The following TRRAP variants were observed in gnomAD, a reference collection of about 807,000 sequenced individuals.
TRRAP encodes transformation/transcription domain-associated protein.
A neutral mutation model predicts 438.8 loss-of-function variants in TRRAP; 41 were observed. The observed-to-expected ratio is 0.09, with a 90% CI of 0.07 to 0.12. The LOEUF (loss-of-function observed/expected upper bound fraction) is 0.12. TRRAP is among the 10% of genes least tolerant of loss of function. TRRAP has a pLI of 1.00. For synonymous variants in TRRAP, 1,994 were observed against 1,962.9 expected (o/e 1.02, Z -0.42); for missense variants, 3,122 against 5,055.1 (o/e 0.62, Z 11.60).
chr7:98,987,837 A>AG (rs1793219444), intron 62 of TRRAP, among the ~76,000 whole-genome samples: 1 of 152,198 alleles, frequency 6.6e-6, no homozygotes, highest in African/African-American at 2.4e-5. Context: ...TATAAGCTTG[A>AG]GGAACTTCCC....
At chr7:98,928,681 G>T (rs553488990) in intron 23 of TRRAP, among the ~76,000 whole-genome samples, 3 of 152,170 alleles carry the variant, frequency 2.0e-5, no homozygotes, top group East Asian at 3.9e-4. Flanking sequence ...CATAACCCAT[G>T]GTCATTCCCA....
At chr7:98,889,102 C>T (rs1259324187) in intron 3 of TRRAP, among the ~76,000 whole-genome samples, 1 of 143,206 alleles carries the variant, frequency 7.0e-6, no homozygotes, top group Non-Finnish European at 1.5e-5. Flanking sequence ...AGGCTGGCCT[C>T]GAATTCCTGG....
At position 98,984,322 on chromosome 7, in the gene TRRAP, G is replaced by C; in HGVS notation, c.9252G>C (p.Gln3084His). The stretch of plus-strand genomic sequence containing the variant: ...GACAGCAAGTTAAATGCTACCTCCA[G>C]CTGGCAGGCGTCATGGGCAAAAACG... ...KIRQQVKCYL[Q>H]LAGVMGKNEC... Residue 3084 changes from glutamine to histidine, a missense_variant, in exon 61 of 73, where the codon CAG (glutamine) becomes CAC (histidine). By Grantham distance (24) the Gln-to-His change is conservative. Around this residue, in one of 24 missense-constraint regions of TRRAP, gnomAD observed 129 missense variants for 279.2 expected, o/e 0.46. Coordinates refer to ENST00000456197, the MANE Select transcript of TRRAP (RefSeq NM_001375524.1). The C allele has an allele frequency of 6.3e-7, 1 of 1,599,074 alleles. No homozygotes were observed. The highest frequency in any genetic ancestry group is 8.5e-7 in the Non-Finnish European group (1 of 1,171,298).
rs762474727 is a variant in TRRAP, at chr7:99,011,208, G to T, written c.11095G>T (p.Val3699Phe). Residue 3699 changes from valine to phenylalanine, a missense_variant, in exon 71 of 73, where the codon GTC becomes TTC. Physicochemically the swap from Val to Phe is conservative, Grantham distance 50. Transcript: ENST00000456197. This position sits in a 1 kb window ranked among gnomAD's most constrained non-coding sequence, Gnocchi z 7.1. ...QLALIGFAEF[V>F]LHLNRLNPEM... ...GGCTCTGATAGGCTTCGCGGAATTC[G>T]TCCTGCATTTAAATAGACTCAACCC... is the stretch of plus-strand genomic sequence containing the variant. The T allele has an allele frequency of 1.5e-5, 24 of 1,614,102 alleles. No individual in the cohort carries two copies. Among genetic ancestry groups the T allele is most frequent in the Non-Finnish European group, 2.0e-5 (24 of 1,180,024 alleles).
At chr7:98,957,876 G>C (rs1554420215) in intron 43 of TRRAP, 105 bp from the exon 44 acceptor site, 2 of 946,986 alleles carry the variant, frequency 2.1e-6, no homozygotes, top group South Asian at 2.8e-5. Flanking sequence ...AGCTGCCTCT[G>C]TCCCCGGGAG....
At chr7:99,006,867 T>C (rs1210745010) in intron 69 of TRRAP, among the ~76,000 whole-genome samples, 1 of 152,242 alleles carries the variant, frequency 6.6e-6, no homozygotes, top group East Asian at 1.9e-4. Context: ...TAGGTACTAT[T>C]ATCCCACTTT....
Position 99,011,774 on chromosome 7 carries a change from C to G in TRRAP, c.11337+239C>G, listed in dbSNP as rs932479481. Among the ~76,000 whole-genome samples, 1 of 152,270 alleles carries G rather than the reference C, an allele frequency of 6.6e-6. No homozygotes were observed. Among genetic ancestry groups the G allele is most frequent in the Admixed American group, 6.5e-5 (1 of 15,288 alleles). ...ACACTCGGCAGATGCCGGAAGGTGT[C>G]AAGTGAACAAATAAACAGATTGGGC... is the stretch of plus-strand genomic sequence containing the variant. On this transcript the variant is annotated intron_variant, in intron 72 of 72. Transcript: ENST00000456197. The surrounding 1 kb of genome is among the most constrained non-coding windows in gnomAD (Gnocchi z 7.1).
chr7:98,984,936 T>TTGA lies in TRRAP; in HGVS notation c.9289-7_9289-5dup. ...AGAACTTTTTTTCTGCTCATTTTTT[T>TTGA]TGAACAGGGCCTTGAAGTTATTGAA... On this transcript the variant is annotated splice_region_variant and splice_polypyrimidine_tract_variant and intron_variant, in intron 61 of 72. Transcript: ENST00000456197. The TTGA allele has an allele frequency of 1.3e-6, 2 of 1,582,718 alleles. No homozygotes were observed. Among genetic ancestry groups the TTGA allele is most frequent in the Non-Finnish European group, 1.7e-6 (2 of 1,166,064 alleles).
At position 98,957,989 on chromosome 7, in the gene TRRAP, G is replaced by C; in HGVS notation, c.6240G>C (p.Gly2080=). The C allele has an allele frequency of 2.5e-6, 4 of 1,613,994 alleles. No individual in the cohort carries two copies. Among genetic ancestry groups the C allele is most frequent in the Non-Finnish European group, 3.4e-6 (4 of 1,179,950 alleles). Residue 2080 remains glycine (G), a synonymous_variant, in exon 44 of 73, where the codon GGG becomes GGC. Transcript: ENST00000456197. The stretch of plus-strand genomic sequence containing the variant: ...AGGAGGTCCTTTTCCAGGTCTTTGG[G>C]AGGAGCCAGTCGCTACCTGGAGCAG... The part of the protein sequence containing the change: ...TATGAISAVF[G]RSQSLPGADS...
At chr7:98,931,049 C>G (rs946137991) in intron 25 of TRRAP, among the ~76,000 whole-genome samples, 4 of 152,224 alleles carry the variant, frequency 2.6e-5, no homozygotes, top group Non-Finnish European at 5.9e-5. Flanking sequence ...AGAACAGTTA[C>G]AGGCCACAGT....
chr7:98,886,467 GAGAT>G (rs1165357302), intron 3 of TRRAP, among the ~76,000 whole-genome samples: 3 of 151,886 alleles, frequency 2.0e-5, no homozygotes, highest in Admixed American at 6.6e-5. Flanking sequence ...GATATCTAGA[GAGAT>G]AGAGATAGAT....
chr7:98,892,569 A>G, intron 5 of TRRAP, 41 bp downstream of exon 5: 1 of 1,460,396 alleles, frequency 6.8e-7, no homozygotes, highest in Non-Finnish European at 9.4e-7. Context: ...AGCCGTATGT[A>G]AAACTTTCAC....
chr7:98,935,530 T>C, intron 27 of TRRAP, 49 bp from the exon 28 acceptor site: 2 of 1,533,020 alleles, frequency 1.3e-6, no homozygotes, highest in Non-Finnish European at 1.8e-6. Flanking sequence ...AAGGTTATTA[T>C]GTCTTCACAG....
intron 16 of TRRAP, 64 bp from the exon 17 acceptor site, chr7:98,911,013 A>G: frequency 6.9e-7 from 1 of 1,447,294 alleles, no homozygotes; most frequent in South Asian, 1.3e-5. Context: ...CTGGTTACAT[A>G]ATGGAACATA....
chr7:98,949,933 A>G, intron 37 of TRRAP, 92 bp downstream of exon 37: 2 of 1,568,206 alleles, frequency 1.3e-6, no homozygotes, highest in East Asian at 2.2e-5. Flanking sequence ...GGCTGTGGTC[A>G]TTGGATGCGT....
intron 64 of TRRAP, among the ~76,000 whole-genome samples, chr7:98,991,229 C>T (rs531826634): frequency 9.2e-5 from 14 of 152,298 alleles, no homozygotes; most frequent in Admixed American, 1.3e-4. Flanking sequence ...CCAGAAACGG[C>T]GGAAGCGTGG....
At chr7:99,010,905 C>G (rs1794398799) in intron 70 of TRRAP, 147 bp from the exon 71 acceptor site, 1 of 843,026 alleles carries the variant, frequency 1.2e-6, no homozygotes, top group Non-Finnish European at 1.9e-6. Context: ...CTTCAGTCTC[C>G]TAACAATGCG....
intron 68 of TRRAP, among the ~76,000 whole-genome samples, chr7:99,004,679 T>C (rs2116859072): frequency 6.6e-6 from 1 of 152,338 alleles, no homozygotes; most frequent in East Asian, 1.9e-4. Context: ...AAACAGTGTG[T>C]GTCCCACTCT....
chr7:98,965,653 A>G (rs1201517866), intron 48 of TRRAP, 43 bp from the exon 49 acceptor site: 2 of 1,611,226 alleles, frequency 1.2e-6, no homozygotes, highest in Non-Finnish European at 8.5e-7. Flanking sequence ...GTTTAAATCA[A>G]CGTTTAGAGA....
Sources: gnomAD v4.1 joint callset for allele counts (sites outside exome capture counted in the v4.1 genomes callset) on GRCh38, gnomAD v4.1.1 for gene constraint, gnomAD v4.1.1 regional missense constraint, Gnocchi (gnomAD v3.1) non-coding constraint, MANE v1.5 for transcripts, NCBI Gene and HGNC (gene_info 2026-07-23, HGNC 2026-07-21) for gene names.